The following GPHN variants were observed in gnomAD, a reference collection of about 807,000 sequenced individuals.
The protein encoded by GPHN is gephyrin.
In GPHN, 17 loss-of-function variants were observed where a neutral mutation model predicts 95.5. The observed-to-expected ratio is 0.18, with a 90% CI of 0.12 to 0.27. The LOEUF is 0.27. Among genes scored for constraint, GPHN ranks in the 10% least tolerant of loss-of-function variants. The pLI, the probability that GPHN is intolerant of heterozygous loss-of-function variation, is 1.00. For synonymous variants in GPHN, 320 were observed against 322.5 expected, an observed-to-expected ratio of 0.99 and a Z score of 0.08; for missense variants, 660 against 978.1, an observed-to-expected ratio of 0.67 and a Z score of 4.34.
At chr14:67,148,314 CAA>C (rs2081023897) in intron 18 of GPHN, among the ~76,000 whole-genome samples, 2 of 152,086 alleles carry the variant, frequency 1.3e-5, no homozygotes, top group African/African-American at 4.8e-5. Flanking sequence ...AGAAGCACAT[CAA>C]AACTCAGCAA....
intron 5 of GPHN, among the ~76,000 whole-genome samples, chr14:66,895,379 G>T (rs2064784144): frequency 6.6e-6 from 1 of 152,104 alleles, no homozygotes; most frequent in Admixed American, 6.6e-5. Flanking sequence ...GAGCGGGGAG[G>T]GAAAGCATTA....
chr14:67,538,800 A>G, the GPHN span, among the ~76,000 whole-genome samples: 1 of 152,204 alleles, frequency 6.6e-6, no homozygotes, highest in Admixed American at 6.5e-5. Context: ...TAAACAGACC[A>G]CTTGATCAGT....
the GPHN span, chr14:67,662,894 C>T: frequency 1.7e-6 from 2 of 1,159,144 alleles, no homozygotes; most frequent in African/African-American, 1.9e-5. Context: ...TAGAGCAAGA[C>T]TCTGTCTCAA....
the GPHN span, among the ~76,000 whole-genome samples, chr14:67,457,906 C>T: frequency 2.0e-5 from 3 of 152,334 alleles, no homozygotes; most frequent in South Asian, 6.2e-4. Flanking sequence ...GGTGACAGAA[C>T]ACCTGAGGCC....
At chr14:66,974,236 T>C (rs2070040837) in intron 9 of GPHN, among the ~76,000 whole-genome samples, 1 of 152,212 alleles carries the variant, frequency 6.6e-6, no homozygotes, top group Admixed American at 6.5e-5. Flanking sequence ...TTGATGAAAC[T>C]AAAATTACAC....
the GPHN span, among the ~76,000 whole-genome samples, chr14:67,477,081 G>A: frequency 7.2e-5 from 11 of 151,828 alleles, no homozygotes; most frequent in East Asian, 5.8e-4. Flanking sequence ...CAGGAGAACC[G>A]CTTGAACCTG....
intron 3 of GPHN, among the ~76,000 whole-genome samples, chr14:66,799,946 A>G (rs2060285338): frequency 6.6e-6 from 1 of 151,426 alleles, no homozygotes; most frequent in Non-Finnish European, 1.5e-5. Context: ...CTTGCTTTTT[A>G]TTTTTTTCTC....
intron 11 of GPHN, among the ~76,000 whole-genome samples, chr14:67,065,766 T>A (rs1352076267): frequency 6.6e-6 from 1 of 151,332 alleles, no homozygotes; most frequent in Admixed American, 6.6e-5. Flanking sequence ...GCTTTTTTTT[T>A]TTTTTTTGCT....
chr14:66,748,846 A>T (rs1275818968), intron 2 of GPHN, among the ~76,000 whole-genome samples: 1 of 151,976 alleles, frequency 6.6e-6, no homozygotes, highest in Non-Finnish European at 1.5e-5. Flanking sequence ...GAAAGCAAAG[A>T]TGTCAAGTGT....
chr14:67,105,081 A>G (rs2077958842), intron 13 of GPHN, among the ~76,000 whole-genome samples: 1 of 152,002 alleles, frequency 6.6e-6, no homozygotes, highest in African/African-American at 2.4e-5. Context: ...ATCTCTTAAT[A>G]TATTTATTGA....
At chr14:67,473,065 C>A in the GPHN span, 45 of 259,218 alleles carry the variant, frequency 1.7e-4, no homozygotes, top group Non-Finnish European at 2.9e-4. The surrounding 1 kb of genome is among the most constrained non-coding windows in gnomAD (Gnocchi z 6.5). Context: ...TTGCCTCCCA[C>A]CTGCGGCCCC....
the GPHN span, among the ~76,000 whole-genome samples, chr14:67,514,558 G>C: frequency 6.6e-6 from 1 of 152,020 alleles, no homozygotes; most frequent in African/African-American, 2.4e-5. Context: ...GAAGGCGGCG[G>C]GGTCATTTTG....
At chr14:67,209,189 C>T in the GPHN span, among the ~76,000 whole-genome samples, 1 of 152,136 alleles carries the variant, frequency 6.6e-6, no homozygotes, top group South Asian at 2.1e-4. Context: ...ATTGGGGATA[C>T]AGCAGCAAAA....
intron 2 of GPHN, among the ~76,000 whole-genome samples, chr14:66,767,969 A>C (rs1401015304): frequency 6.6e-6 from 1 of 151,984 alleles, no homozygotes; most frequent in African/African-American, 2.4e-5. Context: ...ATTGCCAACA[A>C]AAGTTCAAAA....
At chr14:67,199,085 G>C in the GPHN span, 7 of 1,010,128 alleles carry the variant, frequency 6.9e-6, no homozygotes, top group African/African-American at 1.6e-5. Flanking sequence ...CGATCTCCGA[G>C]CGGAACCAGG....
intron 2 of GPHN, among the ~76,000 whole-genome samples, chr14:66,720,247 G>A (rs2070610933): frequency 6.6e-6 from 1 of 152,100 alleles, no homozygotes; most frequent in South Asian, 2.1e-4. Context: ...AAAGGAATAT[G>A]TTCAAATTTA....
intron 5 of GPHN, among the ~76,000 whole-genome samples, chr14:66,906,154 C>T (rs900780827): frequency 2.6e-5 from 4 of 152,084 alleles, no homozygotes; most frequent in African/African-American, 7.2e-5. Context: ...GCCAGTGTTT[C>T]GTGCCCAGGG....
At chr14:66,891,209 T>G (rs1422245743) in intron 5 of GPHN, among the ~76,000 whole-genome samples, 1 of 151,916 alleles carries the variant, frequency 6.6e-6, no homozygotes, top group African/African-American at 2.4e-5. Flanking sequence ...CCATTAGAAC[T>G]AATAAATGAA....
intron 1 of GPHN, among the ~76,000 whole-genome samples, chr14:66,547,795 G>T (rs1271281542): frequency 6.6e-6 from 1 of 152,136 alleles, no homozygotes; most frequent in Admixed American, 6.5e-5. Flanking sequence ...GTACTGGTGT[G>T]CATACCATAC....
Sources: gnomAD v4.1 joint callset for allele counts (sites outside exome capture counted in the v4.1 genomes callset) on GRCh38, gnomAD v4.1.1 for gene constraint, Gnocchi (gnomAD v3.1) non-coding constraint, MANE v1.5 for transcripts, NCBI Gene and HGNC (gene_info 2026-07-23, HGNC 2026-07-21) for gene names.